STPG2: variants seen among roughly 807,000 people sequenced by gnomAD.
STPG2 encodes sperm tail PG-rich repeat containing 2.
STPG2 carries 56 observed loss-of-function variants against 54.2 expected under a neutral mutation model. The observed-to-expected ratio is 1.03, with a 90% CI of 0.83 to 1.29. The LOEUF is 1.29. Ranked by LOEUF, STPG2 falls within the 50% of genes most tolerant of loss-of-function variation. The pLI, the probability that STPG2 is intolerant of heterozygous loss-of-function variation, is 0.00. For missense variants in STPG2, 596 were observed against 544.9 expected, an observed-to-expected ratio of 1.09 and a Z score of -0.93; for synonymous variants, 200 against 181.8, an observed-to-expected ratio of 1.10 and a Z score of -0.81.
intron 5 of STPG2, among the ~76,000 whole-genome samples, chr4:98,072,034 T>C (rs1738020128): frequency 1.3e-5 from 2 of 152,148 alleles, no homozygotes; most frequent in Admixed American, 1.3e-4. Context: ...GAAATACCAT[T>C]TGACCCAGCA....
intron 8 of STPG2, among the ~76,000 whole-genome samples, chr4:97,933,042 T>C (rs1319859906): frequency 6.6e-6 from 1 of 152,208 alleles, no homozygotes; most frequent in Non-Finnish European, 1.5e-5. Context: ...GTTTCTTGAC[T>C]TTTTAATAAT....
chr4:97,852,448 C>T (rs1729189857), intron 8 of STPG2, among the ~76,000 whole-genome samples: 1 of 152,136 alleles, frequency 6.6e-6, no homozygotes, highest in Non-Finnish European at 1.5e-5. Context: ...TGCTCATTTA[C>T]ACCCCTCACC....
chr4:97,617,295 A>T (rs1733899817), intron 10 of STPG2, among the ~76,000 whole-genome samples: 1 of 152,038 alleles, frequency 6.6e-6, no homozygotes, highest in Admixed American at 6.6e-5. Flanking sequence ...TACAAGCCTA[A>T]AAAAAAGGTA....
At chr4:97,642,183 A>G (rs1721785275) in intron 10 of STPG2, among the ~76,000 whole-genome samples, 1 of 151,414 alleles carries the variant, frequency 6.6e-6, no homozygotes, top group African/African-American at 2.4e-5. Flanking sequence ...GAAACTGCAG[A>G]TAAATATAAA....
intron 10 of STPG2, among the ~76,000 whole-genome samples, chr4:97,622,072 C>CA (rs1163149832): frequency 1.2e-4 from 18 of 152,222 alleles, no homozygotes; most frequent in Middle Eastern, 6.8e-3. Flanking sequence ...CAATAGAATT[C>CA]AATATCGCTT....
intron 7 of STPG2, among the ~76,000 whole-genome samples, chr4:97,952,936 G>GTGGT (rs1330225819): frequency 6.6e-6 from 1 of 152,160 alleles, no homozygotes; most frequent in East Asian, 1.9e-4. Context: ...CAGCCAGGAG[G>GTGGT]TGGTGCTTGC....
intron 5 of STPG2, among the ~76,000 whole-genome samples, chr4:98,066,420 C>G (rs1348986735): frequency 3.9e-5 from 6 of 152,086 alleles, no homozygotes; most frequent in Non-Finnish European, 5.9e-5. Context: ...GAAACTCCAT[C>G]TCTAATACAA....
At chr4:97,934,710 G>A (rs755631735) in intron 8 of STPG2, among the ~76,000 whole-genome samples, 6 of 152,122 alleles carry the variant, frequency 3.9e-5, no homozygotes, top group Admixed American at 6.5e-5. Flanking sequence ...GGATGAAGCC[G>A]ACATGACCGT....
intron 10 of STPG2, among the ~76,000 whole-genome samples, chr4:97,680,542 G>T (rs867420384): frequency 6.6e-6 from 1 of 151,886 alleles, no homozygotes; most frequent in South Asian, 2.1e-4. Context: ...GAGACAATGG[G>T]GTTTTCTAGA....
intron 9 of STPG2, among the ~76,000 whole-genome samples, chr4:97,833,077 A>T (rs1728518362): frequency 6.6e-6 from 1 of 152,222 alleles, no homozygotes. Flanking sequence ...AAAGAAAAAA[A>T]GCTGGAGGCA....
intron 4 of STPG2, among the ~76,000 whole-genome samples, chr4:97,486,288 A>G (rs1730356123): frequency 6.6e-6 from 1 of 151,888 alleles, no homozygotes; most frequent in Non-Finnish European, 1.5e-5. Flanking sequence ...CAAAGGACTA[A>G]TATCCAGAGT....
chr4:97,612,456 A>G (rs1346370664), intron 10 of STPG2, among the ~76,000 whole-genome samples: 1 of 152,086 alleles, frequency 6.6e-6, no homozygotes, highest in African/African-American at 2.4e-5. Context: ...TTGACCCTAT[A>G]ATCCTCTTGC....
chr4:97,706,506 A>G (rs1247776734), intron 10 of STPG2, among the ~76,000 whole-genome samples: 1 of 152,300 alleles, frequency 6.6e-6, no homozygotes, highest in Admixed American at 6.5e-5. Flanking sequence ...ACTAAATTTT[A>G]TCTAGGATTT....
intron 10 of STPG2, among the ~76,000 whole-genome samples, chr4:97,579,895 T>A (rs1386998441): frequency 6.6e-6 from 1 of 152,042 alleles, no homozygotes; most frequent in South Asian, 2.1e-4. Context: ...TGTAGACTTA[T>A]ACATATAGCC....
intron 9 of STPG2, among the ~76,000 whole-genome samples, chr4:97,789,362 T>C (rs1300785346): frequency 6.6e-6 from 1 of 152,090 alleles, no homozygotes; most frequent in Non-Finnish European, 1.5e-5. Flanking sequence ...TAATATAGCA[T>C]TCGCAATATG....
intron 10 of STPG2, among the ~76,000 whole-genome samples, chr4:97,643,230 G>C (rs1390607005): frequency 6.6e-6 from 1 of 151,358 alleles, no homozygotes; most frequent in Admixed American, 6.6e-5. Flanking sequence ...CAATTTCAGT[G>C]AACAACCTTT....
intron 8 of STPG2, among the ~76,000 whole-genome samples, chr4:97,927,359 T>C (rs923040265): frequency 3.9e-5 from 6 of 152,226 alleles, no homozygotes; most frequent in African/African-American, 1.4e-4. Flanking sequence ...CACTAGCCAA[T>C]GATTGCCCTT....
intron 9 of STPG2, among the ~76,000 whole-genome samples, chr4:97,745,449 CTTAGTCTACTGATT>C (rs1560511964): frequency 6.6e-6 from 1 of 150,934 alleles, no homozygotes; most frequent in African/African-American, 2.4e-5. Flanking sequence ...TCATTTCCCC[CTTAGTCTACTGATT>C]TTAGAAAATC....
intron 9 of STPG2, among the ~76,000 whole-genome samples, chr4:97,752,395 A>G (rs1725604210): frequency 6.6e-6 from 1 of 151,848 alleles, no homozygotes; most frequent in Non-Finnish European, 1.5e-5. Context: ...AAAGTCACAG[A>G]GCTAGTTTTG....
Sources: gnomAD v4.1 joint callset for allele counts (sites outside exome capture counted in the v4.1 genomes callset) on GRCh38, gnomAD v4.1.1 for gene constraint, MANE v1.5 for transcripts, NCBI Gene and HGNC (gene_info 2026-07-23, HGNC 2026-07-21) for gene names.